The following PDE11A variants were observed in gnomAD, a reference collection of about 807,000 sequenced individuals.
The protein encoded by PDE11A is dual 3',5'-cyclic-AMP and -GMP phosphodiesterase 11A.
In PDE11A, 100 loss-of-function variants were observed where a neutral mutation model predicts 100.5. The ratio of observed to expected loss-of-function variants is 1.00; its 90% CI spans 0.85 to 1.18. The LOEUF is 1.18. PDE11A is among the 50% of genes most tolerant of loss of function. The probability of loss-of-function intolerance (pLI) is 0.00; values close to 1 mark genes in which losing one functional copy is unlikely to be tolerated. For missense variants in PDE11A, 1,141 were observed against 1,152.6 expected (o/e 0.99, Z 0.15); for synonymous variants, 381 against 420.8 (o/e 0.91, Z 1.16).
At chr2:178,058,161 C>G (rs1253480539) in intron 1 of PDE11A, among the ~76,000 whole-genome samples, 1 of 152,194 alleles carries the variant, frequency 6.6e-6, no homozygotes, top group Non-Finnish European at 1.5e-5. Flanking sequence ...TGGCCCCTAG[C>G]TCAGCATTAT....
intron 9 of PDE11A, among the ~76,000 whole-genome samples, chr2:177,790,765 A>C (rs2082617773): frequency 6.6e-6 from 1 of 152,260 alleles, no homozygotes; most frequent in Non-Finnish European, 1.5e-5. Context: ...ACATTTATGC[A>C]GCCAAAAGAC....
intron 13 of PDE11A, among the ~76,000 whole-genome samples, chr2:177,707,831 T>C (rs2081302030): frequency 1.3e-5 from 2 of 152,200 alleles, no homozygotes; most frequent in Non-Finnish European, 1.5e-5. Flanking sequence ...CAGCTCTCTC[T>C]CTGGGGAGGG....
intron 15 of PDE11A, among the ~76,000 whole-genome samples, chr2:177,693,180 C>G (rs564496481): frequency 6.6e-6 from 1 of 152,302 alleles, no homozygotes; most frequent in African/African-American, 2.4e-5. Flanking sequence ...TGCTGCTACA[C>G]GCAGTGCCTC....
At chr2:177,948,548 T>C (rs2085470980) in intron 2 of PDE11A, among the ~76,000 whole-genome samples, 1 of 152,242 alleles carries the variant, frequency 6.6e-6, no homozygotes, top group Admixed American at 6.5e-5. Flanking sequence ...TTATATATGT[T>C]AATCAACTAA....
At chr2:177,755,122 T>C (rs2082074313) in intron 10 of PDE11A, among the ~76,000 whole-genome samples, 1 of 152,184 alleles carries the variant, frequency 6.6e-6, no homozygotes, top group South Asian at 2.1e-4. Context: ...GATGGGCTAG[T>C]CATTAGTGAG....
chr2:178,031,391 A>G (rs1468322752), intron 1 of PDE11A, among the ~76,000 whole-genome samples: 1 of 152,200 alleles, frequency 6.6e-6, no homozygotes. Context: ...GAAAACTGTC[A>G]TTATTTGCAG....
intron 15 of PDE11A, among the ~76,000 whole-genome samples, chr2:177,688,927 T>G (rs923721241): frequency 6.6e-6 from 1 of 152,246 alleles, no homozygotes; most frequent in Admixed American, 6.5e-5. Flanking sequence ...AATCATGAAA[T>G]TTTTTGCAAA....
chr2:177,775,374 C>T (rs773612520), intron 9 of PDE11A, among the ~76,000 whole-genome samples: 1 of 152,162 alleles, frequency 6.6e-6, no homozygotes, highest in Non-Finnish European at 1.5e-5. Flanking sequence ...AATCCAGTCT[C>T]CTTGGTACAC....
chr2:178,040,916 C>A (rs1055178806), intron 1 of PDE11A, among the ~76,000 whole-genome samples: 3 of 152,042 alleles, frequency 2.0e-5, no homozygotes, highest in African/African-American at 2.4e-5. Context: ...AATGAGCAGT[C>A]AGAAATTTTT....
intron 10 of PDE11A, among the ~76,000 whole-genome samples, chr2:177,767,606 T>G (rs1443648945): frequency 6.6e-6 from 1 of 152,132 alleles, no homozygotes; most frequent in Admixed American, 6.5e-5. Context: ...AGCTTAAATA[T>G]TTTTGATGGA....
At chr2:178,088,700 AT>A (rs1484587372) in intron 2 of PDE11A, among the ~76,000 whole-genome samples, 1 of 152,244 alleles carries the variant, frequency 6.6e-6, no homozygotes, top group African/African-American at 2.4e-5. Flanking sequence ...TGGTCTACAT[AT>A]TTTTAAATAT....
intron 2 of PDE11A, chr2:177,997,523 G>C (rs2086090743): frequency 3.7e-6 from 3 of 813,036 alleles, no homozygotes; most frequent in African/African-American, 1.7e-5. Flanking sequence ...TGCTTTCAAT[G>C]CAACAACTTT....
chr2:178,046,476 C>T (rs2086752526), intron 1 of PDE11A, among the ~76,000 whole-genome samples: 1 of 152,080 alleles, frequency 6.6e-6, no homozygotes, highest in Non-Finnish European at 1.5e-5. Context: ...TGTATTGTAA[C>T]CATCAATGTC....
intron 5 of PDE11A, among the ~76,000 whole-genome samples, chr2:177,846,345 A>G (rs1177215465): frequency 1.3e-5 from 2 of 152,222 alleles, no homozygotes; most frequent in Non-Finnish European, 2.9e-5. Flanking sequence ...GCCCATAGCA[A>G]ACATTTTCTA....
At chr2:177,745,363 A>T (rs2081934341) in intron 10 of PDE11A, among the ~76,000 whole-genome samples, 1 of 152,226 alleles carries the variant, frequency 6.6e-6, no homozygotes, top group South Asian at 2.1e-4. Context: ...AGACAGAAGC[A>T]TCAGCTTCCA....
chr2:177,762,341 T>C (rs1439716897), intron 10 of PDE11A, among the ~76,000 whole-genome samples: 1 of 152,166 alleles, frequency 6.6e-6, no homozygotes, highest in Non-Finnish European at 1.5e-5. Flanking sequence ...AGGGACTACG[T>C]GTTCTTCATT....
chr2:177,949,191 T>A (rs2085477728), intron 2 of PDE11A, among the ~76,000 whole-genome samples: 1 of 152,198 alleles, frequency 6.6e-6, no homozygotes, highest in Admixed American at 6.5e-5. Flanking sequence ...TAAACAAATT[T>A]TGTGATTGCC....
At chr2:177,691,912 G>A (rs1010929839) in intron 15 of PDE11A, among the ~76,000 whole-genome samples, 1 of 152,166 alleles carries the variant, frequency 6.6e-6, no homozygotes, top group Admixed American at 6.5e-5. Flanking sequence ...TTATGTTAAT[G>A]TAAATTCTTG....
chr2:177,730,804 C>T (rs1164352511), intron 10 of PDE11A, among the ~76,000 whole-genome samples: 1 of 152,112 alleles, frequency 6.6e-6, no homozygotes, highest in Non-Finnish European at 1.5e-5. Context: ...GTTTTAGTCT[C>T]TCCTTTTTTA....
Sources: allele counts gnomAD v4.1 joint callset (sites outside exome capture counted in the v4.1 genomes callset), GRCh38; gene constraint gnomAD v4.1.1; transcripts MANE v1.5; gene names NCBI Gene and HGNC (gene_info 2026-07-23, HGNC 2026-07-21).